GRID2: variants seen among roughly 807,000 people sequenced by gnomAD.
GRID2 encodes the protein glutamate receptor ionotropic, delta-2.
GRID2 carries 33 observed loss-of-function variants against 114.8 expected under a neutral mutation model. The ratio of observed to expected loss-of-function variants is 0.29; its 90% CI spans 0.22 to 0.38. The LOEUF (loss-of-function observed/expected upper bound fraction) is 0.38, where lower values mean the gene tolerates loss of function less well. Ranked by LOEUF, GRID2 falls within the 10% of genes least tolerant of loss-of-function variation. GRID2 has a pLI of 1.00. For missense variants in GRID2, 1,184 were observed against 1,257.7 expected (o/e 0.94, Z 0.89); for synonymous variants, 505 against 449.9 (o/e 1.12, Z -1.55).
intron 9 of GRID2, among the ~76,000 whole-genome samples, chr4:93,418,564 C>G (rs1260118578): frequency 6.6e-6 from 1 of 151,920 alleles, no homozygotes; most frequent in Non-Finnish European, 1.5e-5. Context: ...TATCTAAATT[C>G]TTGAGGATCA....
At chr4:93,169,188 TTAAAA>T (rs142496126) in intron 4 of GRID2, among the ~76,000 whole-genome samples, 8,366 of 139,232 alleles carry the variant, frequency 0.06, 366 homozygotes, top group East Asian at 0.24. Context: ...ACACACAAAC[TTAAAA>T]TAGGCTAAGT....
intron 11 of GRID2, among the ~76,000 whole-genome samples, chr4:93,457,829 T>C (rs957975318): frequency 1.3e-5 from 2 of 152,176 alleles, no homozygotes; most frequent in African/African-American, 4.8e-5. Context: ...AAAAAACAGA[T>C]ATGACAGGAG....
rs1489341429 is a variant in GRID2 at position 93,592,813 on chromosome 4, G to A, written c.2194-33456G>A. On this transcript the variant is annotated intron_variant, in intron 13 of 15. Transcript: ENST00000282020. ...ATTGATGCCTTTACCATTATGTAAT[G>A]GCCTTCTTTGTCTCTTTTGATCTTT... 3.9e-5 allele frequency among the ~76,000 whole-genome samples: 6 copies of A among 152,196 alleles called. 1 individual carries two copies. Among genetic ancestry groups the A allele is most frequent in the African/African-American group, 1.4e-4 (6 of 41,520 alleles).
At chr4:93,333,076 C>A (rs1758669314) in intron 8 of GRID2, among the ~76,000 whole-genome samples, 1 of 152,074 alleles carries the variant, frequency 6.6e-6, no homozygotes, top group Non-Finnish European at 1.5e-5. Flanking sequence ...CTTCTGGGTG[C>A]TCTAAGCCTT....
At chr4:92,879,229 G>A (rs1745834530) in intron 2 of GRID2, among the ~76,000 whole-genome samples, 1 of 152,130 alleles carries the variant, frequency 6.6e-6, no homozygotes, top group African/African-American at 2.4e-5. Context: ...TAGGAGGTAT[G>A]AGGGTATTGA....
chr4:93,460,068 C>A (rs1252561521), intron 11 of GRID2, among the ~76,000 whole-genome samples: 1 of 152,170 alleles, frequency 6.6e-6, no homozygotes, highest in Non-Finnish European at 1.5e-5. Context: ...ATAAGTCTTT[C>A]TTCTTCCAGT....
At chr4:93,091,409 G>A (rs1297105282) in intron 3 of GRID2, among the ~76,000 whole-genome samples, 1 of 152,148 alleles carries the variant, frequency 6.6e-6, no homozygotes, top group Non-Finnish European at 1.5e-5. Flanking sequence ...CCAACAGTCA[G>A]TGAAGTTTAA....
intron 14 of GRID2, among the ~76,000 whole-genome samples, chr4:93,727,167 C>T (rs1729996065): frequency 6.6e-6 from 1 of 152,132 alleles, no homozygotes; most frequent in Non-Finnish European, 1.5e-5. Flanking sequence ...CCCATCAATA[C>T]CTAATTTATT....
chr4:92,318,485 A>G (rs1726126716), intron 1 of GRID2, among the ~76,000 whole-genome samples: 1 of 143,324 alleles, frequency 7.0e-6, no homozygotes, highest in Non-Finnish European at 1.5e-5. Flanking sequence ...GAGAGTGCAT[A>G]CTATATGCCT....
chr4:92,641,317 A>G (rs2149253600), intron 2 of GRID2, among the ~76,000 whole-genome samples: 1 of 151,802 alleles, frequency 6.6e-6, no homozygotes, highest in African/African-American at 2.4e-5. Context: ...TTTTTAGGAC[A>G]GGATCTTGCA....
chr4:93,608,296 C>CTTTTTTTTTTTTTTTATTTTTTTTT (rs774334616), intron 13 of GRID2, among the ~76,000 whole-genome samples: 9 of 117,004 alleles, frequency 7.7e-5, no homozygotes, highest in Middle Eastern at 5.7e-3. Flanking sequence ...ATTTTTTTTT[C>CTTTTTTTTTTTTTTTATTTTTTTTT]TTTTTTTTTT....
At chr4:93,594,475 T>C (rs376922507) in intron 13 of GRID2, among the ~76,000 whole-genome samples, 21 of 152,312 alleles carry the variant, frequency 1.4e-4, no homozygotes, top group African/African-American at 3.1e-4. Flanking sequence ...GACAGGGACA[T>C]TTAAGTCTGC....
At chr4:92,579,693 A>G (rs1222542830) in intron 1 of GRID2, among the ~76,000 whole-genome samples, 1 of 151,860 alleles carries the variant, frequency 6.6e-6, no homozygotes, top group Non-Finnish European at 1.5e-5. Flanking sequence ...GAGATAACCT[A>G]CAAAAATGAT....
At chr4:92,579,294 C>CT (rs1728060997) in intron 1 of GRID2, among the ~76,000 whole-genome samples, 1 of 152,010 alleles carries the variant, frequency 6.6e-6, no homozygotes, top group Non-Finnish European at 1.5e-5. Context: ...AGTGTATACT[C>CT]TATCATCGCT....
intron 2 of GRID2, among the ~76,000 whole-genome samples, chr4:92,694,032 T>C (rs1734312598): frequency 6.6e-6 from 1 of 151,982 alleles, no homozygotes; most frequent in African/African-American, 2.4e-5. Context: ...AGGATTTGTG[T>C]GGGGAGGAGA....
chr4:93,258,732 A>G (rs559843423), intron 8 of GRID2, among the ~76,000 whole-genome samples: 174 of 151,956 alleles, frequency 1.1e-3, no homozygotes, highest in African/African-American at 3.9e-3. Context: ...ACAGCTTTTA[A>G]AATAATCTGA....
chr4:92,903,340 T>G (rs1406766330), intron 2 of GRID2, among the ~76,000 whole-genome samples: 1 of 151,968 alleles, frequency 6.6e-6, no homozygotes, highest in Non-Finnish European at 1.5e-5. Context: ...TTTATAAAAT[T>G]GCAAAGTAAG....
chr4:92,628,836 G>T (rs1013942851), intron 2 of GRID2, among the ~76,000 whole-genome samples: 1 of 151,916 alleles, frequency 6.6e-6, no homozygotes, highest in Non-Finnish European at 1.5e-5. Context: ...TCCTAAATTG[G>T]TTGCTATGAT....
chr4:93,485,277 T>C (rs956583391), intron 11 of GRID2, among the ~76,000 whole-genome samples: 5 of 151,806 alleles, frequency 3.3e-5, no homozygotes, highest in Admixed American at 1.3e-4. Flanking sequence ...TTATAGGAGT[T>C]AATATTTATT....
Sources: gnomAD v4.1 joint callset for allele counts (sites outside exome capture counted in the v4.1 genomes callset) on GRCh38, gnomAD v4.1.1 for gene constraint, MANE v1.5 for transcripts, NCBI Gene and HGNC (gene_info 2026-07-23, HGNC 2026-07-21) for gene names.